SCN7A: variants seen among roughly 807,000 people sequenced by gnomAD.
SCN7A encodes the protein sodium voltage-gated channel alpha subunit 7.
SCN7A carries 138 observed loss-of-function variants against 155.2 expected under a neutral mutation model. That is an observed-to-expected ratio of 0.89 (90% CI 0.77 to 1.02). The LOEUF is 1.02. Among genes scored for constraint, SCN7A ranks in the 50% least tolerant of loss-of-function variants. SCN7A has a pLI of 0.00. For missense variants in SCN7A, 2,058 were observed against 1,986.6 expected, an observed-to-expected ratio of 1.04 and a Z score of -0.68; for synonymous variants, 693 against 649.0, an observed-to-expected ratio of 1.07 and a Z score of -1.03.
chr2:166,464,504 C>G lies in SCN7A; in HGVS notation c.941+958G>C, dbSNP rs140675515. Among the ~76,000 whole-genome samples, 4 of 152,230 alleles carry G rather than the reference C, an allele frequency of 2.6e-5. No homozygotes were observed. The East Asian group carries it at 7.7e-4, about 29-fold the overall frequency. ...ATGAGACATGACAGTTATGTCATCT[C>G]ACTTAAGAATTATTTTGAAATGCTG... On this transcript the variant is annotated intron_variant, in intron 9 of 25. Transcript: ENST00000643258.
Position 166,427,970 on chromosome 2 carries a change from C to T in SCN7A, c.2699-28G>A, listed in dbSNP as rs754042074. 5.0e-6 allele frequency: 8 copies of T among 1,606,534 alleles called. No homozygotes were observed. The South Asian group carries it at 8.8e-5, about 18-fold the overall frequency. On this transcript the variant is annotated intron_variant, in intron 17 of 25. Transcript: ENST00000643258. The stretch of plus-strand genomic sequence containing the variant: ...GTCAAGATTGAATTGGTAAGAACAA[C>T]AATCTAGAAAACTCATGAAAAAGTA...
At chr2:166,448,401 T>C (rs780938514) in intron 11 of SCN7A, among the ~76,000 whole-genome samples, 42 of 152,316 alleles carry the variant, frequency 2.8e-4, no homozygotes, top group Middle Eastern at 3.4e-3. Flanking sequence ...TTGTGAATAA[T>C]ACTGTAATAA....
chr2:166,407,433 T>A (rs1288230114), intron 25 of SCN7A, among the ~76,000 whole-genome samples: 1 of 151,946 alleles, frequency 6.6e-6, no homozygotes, highest in Non-Finnish European at 1.5e-5. Flanking sequence ...GAAGAAGGAA[T>A]CCCACGAGGC....
chr2:166,470,712 G>T lies in SCN7A; in HGVS notation c.573-6C>A. On this transcript the variant is annotated splice_region_variant and splice_polypyrimidine_tract_variant and intron_variant, in intron 6 of 25. Transcript: ENST00000643258. ...GTGAGTATCTTATAATAACCCTGTGGAATTAAATTAGAGTTACTTAAAAGT... is the reference window on the plus strand; with the variant it reads ...GTGAGTATCTTATAATAACCCTGTGTAATTAAATTAGAGTTACTTAAAAGT... 1 of 1,591,494 alleles carries T rather than the reference G, an allele frequency of 6.3e-7. No homozygotes were observed.
At chr2:166,441,949 T>C (rs1228561700) in intron 14 of SCN7A, among the ~76,000 whole-genome samples, 197 bp from the exon 15 acceptor site, 1 of 152,224 alleles carries the variant, frequency 6.6e-6, no homozygotes, top group Middle Eastern at 3.2e-3. Context: ...ACTCAGTCTA[T>C]ACATATCCTC....
chr2:166,420,510 G>A (rs1701489008), intron 20 of SCN7A, among the ~76,000 whole-genome samples: 1 of 151,992 alleles, frequency 6.6e-6, no homozygotes, highest in Non-Finnish European at 1.5e-5. Context: ...ACTTGTGGTG[G>A]TCACAGACTC....
chr2:166,434,127 T>C (rs561189930), intron 15 of SCN7A, among the ~76,000 whole-genome samples: 1 of 152,250 alleles, frequency 6.6e-6, no homozygotes, highest in East Asian at 1.9e-4. Flanking sequence ...ATGTGAACAG[T>C]TGAGTTTCTC....
chr2:166,475,676 A>C lies in SCN7A; in HGVS notation c.235-1332T>G, dbSNP rs139900112. Among the ~76,000 whole-genome samples, 18 of 152,050 alleles carry C rather than the reference A, an allele frequency of 1.2e-4. 1 individual carries two copies. Among genetic ancestry groups the C allele is most frequent in the African/African-American group, 4.3e-4 (18 of 41,536 alleles). On this transcript the variant is annotated intron_variant, in intron 3 of 25. Transcript: ENST00000643258. ...AATCTCAAACTTCACACAAGATGTA[A>C]TATATGCCATTGTGATGAAATGACT...
Position 166,491,800 on chromosome 2 carries a change from GA to G in SCN7A, c.-128+2167del, listed in dbSNP as rs367723642. ...TGTTCTTCTCACACTGACAAATACT[GA>G]AAATGGTTAGTGGAAATAATGGGAT... On this transcript the variant is annotated intron_variant, in intron 1 of 25. Transcript: ENST00000643258. 8.7e-3 allele frequency among the ~76,000 whole-genome samples: 1,326 copies of G among 152,122 alleles called. 23 individuals carry two copies. Among genetic ancestry groups the G allele is most frequent in the African/African-American group, 0.027 (1,135 of 41,462 alleles).
Position 166,479,747 on chromosome 2 carries a change from C to T in SCN7A, c.-14-2037G>A, listed in dbSNP as rs144403479. 3.0e-3 allele frequency among the ~76,000 whole-genome samples: 449 copies of T among 152,074 alleles called. 3 individuals are homozygous for T. The highest frequency in any genetic ancestry group is 5.1e-3 in the Non-Finnish European group (344 of 67,982). The stretch of plus-strand genomic sequence containing the variant: ...AGCCTCTGGATTCATTTACAAGAAC[C>T]AGTCACAAATGACTGGTTCAGTCAT... On this transcript the variant is annotated intron_variant, in intron 2 of 25. Coordinates refer to ENST00000643258, the MANE Select transcript of SCN7A (RefSeq NM_002976.4).
At chr2:166,414,104 T>TATATATATGTAA (rs1559088101) in intron 21 of SCN7A, among the ~76,000 whole-genome samples, 3 of 82,974 alleles carry the variant, frequency 3.6e-5, no homozygotes, top group Non-Finnish European at 6.2e-5. Context: ...TATAATATAT[T>TATATATATGTAA]ATATATAAAT....
At chr2:166,462,204 T>C in intron 10 of SCN7A, 185 bp downstream of exon 10, 1 of 560,064 alleles carries the variant, frequency 1.8e-6, no homozygotes, top group Non-Finnish European at 3.0e-6. Flanking sequence ...TTAAATAAGA[T>C]ATAATACACC....
intron 18 of SCN7A, among the ~76,000 whole-genome samples, chr2:166,426,275 A>G (rs1701622266): frequency 6.6e-6 from 1 of 152,070 alleles, no homozygotes; most frequent in Non-Finnish European, 1.5e-5. Flanking sequence ...CAGCCTTTCC[A>G]TTTGAGCCAT....
At chr2:166,476,446 G>A (rs1320931839) in intron 3 of SCN7A, among the ~76,000 whole-genome samples, 1 of 151,946 alleles carries the variant, frequency 6.6e-6, no homozygotes, top group Non-Finnish European at 1.5e-5. Context: ...CATTTTGTCA[G>A]TGGCATCACC....
intron 18 of SCN7A, among the ~76,000 whole-genome samples, chr2:166,425,532 C>T (rs371975939): frequency 2.0e-5 from 3 of 152,024 alleles, no homozygotes; most frequent in Non-Finnish European, 2.9e-5. Flanking sequence ...GGGCTAAAAT[C>T]GAGGTGATGA....
At position 166,461,048 on chromosome 2, in the gene SCN7A, C is replaced by CTT. The variant is rs34717897; in HGVS notation, c.1083+1339_1083+1340dup. Among the ~76,000 whole-genome samples, 456 of 96,650 alleles carry CTT rather than the reference C, an allele frequency of 4.7e-3. 5 individuals carry two copies. Among genetic ancestry groups the CTT allele is most frequent in the East Asian group, 0.025 (70 of 2,852 alleles). The allele number at this position is 96,650 out of a possible 152,430, so 63.4% of individuals were successfully genotyped here. On this transcript the variant is annotated intron_variant, in intron 10 of 25. Transcript: ENST00000643258. ...GTAAAAATGTCACTTGTAATATTTT[C>CTT]TTTTTTTTTTTTTTTTTTTTTTTTT...
intron 18 of SCN7A, among the ~76,000 whole-genome samples, chr2:166,425,367 A>G (rs2105398548): frequency 6.6e-6 from 1 of 152,226 alleles, no homozygotes; most frequent in East Asian, 1.9e-4. Context: ...ACCTAGAAAC[A>G]TGTACTAGCA....
chr2:166,436,753 C>T (rs1701847730), intron 15 of SCN7A, among the ~76,000 whole-genome samples: 1 of 152,116 alleles, frequency 6.6e-6, no homozygotes, highest in Non-Finnish European at 1.5e-5. Context: ...GAGGTGGTCT[C>T]AGATGGATAT....
intron 15 of SCN7A, among the ~76,000 whole-genome samples, chr2:166,438,332 C>A (rs940124186): frequency 2.0e-5 from 3 of 152,078 alleles, no homozygotes; most frequent in African/African-American, 7.2e-5. Flanking sequence ...TTGTAAGTTT[C>A]CTGAGGTCTT....
Sources: gnomAD v4.1 joint callset for allele counts (sites outside exome capture counted in the v4.1 genomes callset) on GRCh38, gnomAD v4.1.1 for gene constraint, MANE v1.5 for transcripts, NCBI Gene and HGNC (gene_info 2026-07-23, HGNC 2026-07-21) for gene names.